The following ERVMER34-1 variants were observed in gnomAD, a reference collection of about 807,000 sequenced individuals.
ERVMER34-1 encodes the protein endogenous retrovirus group MER34 member 1, envelope.
For missense variants in ERVMER34-1, 471 were observed against 295.1 expected (o/e 1.60, Z -4.37); for synonymous variants, 199 against 111.7 (o/e 1.78, Z -4.93).
intron 2 of ERVMER34-1, chr4:52,748,217 G>A (rs1716199806): frequency 4.1e-6 from 1 of 242,394 alleles, no homozygotes. Context: ...AGAATGTAAA[G>A]CTCCTCTTTG....
In ERVMER34-1 at chr4:52,744,293, G is replaced by A. The variant is rs1716088262; in HGVS notation, c.1228C>T (p.Gln410Ter). The change falls in exon 3 of 3, where the codon CAA (glutamine) becomes TAA (stop). Residue 410 changes from glutamine to a stop codon, truncating the protein, a stop_gained. Transcript: ENST00000443173. LOFTEE classifies it low-confidence loss of function (END_TRUNC). ...GAGGCTAAACTGCTAACTTTTGATT[G>A]GTGTGCTTCCAAGGTCTGCTTAGTG... ...SATKQTLEAH[Q>*]SKVSSLASAS... 5.7e-6 allele frequency: 4 copies of A among 704,066 alleles called. No individual in the cohort carries two copies. The highest frequency in any genetic ancestry group is 1.5e-5 in the South Asian group (1 of 67,576). 43.6% of individuals were successfully genotyped at this position (704,066 alleles called of 1,614,324 possible).
intron 2 of ERVMER34-1, among the ~76,000 whole-genome samples, chr4:52,746,558 A>G (rs138523382): frequency 6.6e-6 from 1 of 152,372 alleles, no homozygotes; most frequent in East Asian, 1.9e-4. Flanking sequence ...AAGGAATGCC[A>G]AAACAAGAAA....
Position 52,742,755 on chromosome 4 carries a change from A to G in ERVMER34-1, c.*1074T>C. 1 of 152,086 alleles carries G rather than the reference A, an allele frequency of 6.6e-6. No individual in the cohort carries two copies. The allele number at this position is 152,086 out of a possible 1,614,324, so 9.4% of individuals were successfully genotyped here. A position where few individuals can be genotyped will look rare whatever the true frequency, so the allele number is the denominator to read the frequency against. Reference sequence around the variant, plus strand: ...AACACGGTGAAACCCCGTCTCTACTAAAAACACAAAAAATTAGTCAGGCGT... The same window carrying G: ...AACACGGTGAAACCCCGTCTCTACTGAAAACACAAAAAATTAGTCAGGCGT... On this transcript the variant is annotated 3_prime_UTR_variant, in exon 3 of 3. Coordinates refer to ENST00000443173, the MANE Select transcript of ERVMER34-1 (RefSeq NM_001242690.2).
intron 2 of ERVMER34-1, among the ~76,000 whole-genome samples, chr4:52,749,786 AC>A (rs1472191161): frequency 2.0e-5 from 3 of 152,180 alleles, no homozygotes; most frequent in Non-Finnish European, 4.4e-5. Context: ...AAACAAACAA[AC>A]AAAAACAGAC....
Position 52,743,880 on chromosome 4 carries a change from A to G in ERVMER34-1, c.1641T>C (p.Asn547=). The G allele has an allele frequency of 6.5e-7, 1 of 1,527,512 alleles. No individual in the cohort carries two copies. Among genetic ancestry groups the G allele is most frequent in the Admixed American group, 2.0e-5 (1 of 50,364 alleles). The allele number at this position is 1,527,512 out of a possible 1,614,324, so 94.6% of individuals were successfully genotyped here. ...LVSETSCQVS[N]RAMKGLTTHQ... ...GGGTTGTTAGTCCCTTCATTGCCCT[A>G]TTTGAAACTTGACATGAAGTTTCAC... The change falls in exon 3 of 3, where the codon AAT becomes AAC. Residue 547 remains asparagine (N), a synonymous_variant. Coordinates refer to ENST00000443173, the MANE Select transcript of ERVMER34-1 (RefSeq NM_001242690.2).
At chr4:52,749,898 A>G (rs1302244128) in intron 2 of ERVMER34-1, among the ~76,000 whole-genome samples, 1 of 152,158 alleles carries the variant, frequency 6.6e-6, no homozygotes, top group Admixed American at 6.5e-5. Context: ...GAAAACGTAC[A>G]CTACTTACAC....
chr4:52,744,611 C>T lies in ERVMER34-1; in HGVS notation c.910G>A (p.Gly304Arg). The T allele has an allele frequency of 1.4e-6, 1 of 704,056 alleles. No homozygotes were observed. Among genetic ancestry groups the T allele is most frequent in the Non-Finnish European group, 2.6e-6 (1 of 384,990 alleles). 43.6% of individuals were successfully genotyped at this position (704,056 alleles called of 1,614,324 possible). ...NSGLFFLCGN[G>R]VYKGFPPKWS... ...TTAGGTGGAAACCCTTTGTACACCC[C>T]ATTGCCGCACAAAAAAAAGAGGCCA... The change falls in exon 3 of 3, where the codon GGG (glycine) becomes AGG (arginine). Residue 304 changes from glycine (G) to arginine (R), a missense_variant. Physicochemically the swap from Gly to Arg is moderately radical, Grantham distance 125. Coordinates refer to ENST00000443173, the MANE Select transcript of ERVMER34-1 (RefSeq NM_001242690.2).
chr4:52,745,142 C>A lies in ERVMER34-1; in HGVS notation c.379G>T (p.Val127Leu). The A allele has an allele frequency of 1.4e-6, 1 of 704,064 alleles. No homozygotes were observed. Among genetic ancestry groups the A allele is most frequent in the Non-Finnish European group, 2.6e-6 (1 of 384,978 alleles). 43.6% of individuals were successfully genotyped at this position (704,064 alleles called of 1,614,324 possible). ...RLLEGNFSLCVENKNGSGPFL... is the reference protein window; with the variant it reads ...RLLEGNFSLCLENKNGSGPFL... ...GGTCCACTGCCATTTTTATTTTCTA[C>A]GCAAAGAGAAAAATTTCCCTCCAAT... The change falls in exon 3 of 3, where the codon GTA becomes TTA. Residue 127 changes from valine to leucine, a missense_variant. Coordinates refer to ENST00000443173, the MANE Select transcript of ERVMER34-1 (RefSeq NM_001242690.2).
Position 52,744,794 on chromosome 4 carries a change from G to C in ERVMER34-1, c.727C>G (p.Leu243Val), listed in dbSNP as rs760158276. The C allele has an allele frequency of 9.9e-6, 7 of 704,028 alleles. No individual in the cohort carries two copies. Among genetic ancestry groups the C allele is most frequent in the Non-Finnish European group, 1.6e-5 (6 of 385,014 alleles). The allele number at this position is 704,028 out of a possible 1,614,324, so 43.6% of individuals were successfully genotyped here. The change falls in exon 3 of 3, where the codon CTA (leucine) becomes GTA (valine). Residue 243 changes from leucine (L) to valine (V), a missense_variant. Coordinates refer to ENST00000443173, the MANE Select transcript of ERVMER34-1 (RefSeq NM_001242690.2). ...TAAGAGCAAAATAGGTTGCGAAATA[G>C]CTGGTACAGAAGGCCTTTGGTTTGG... ...QNQTKGLLYQLFRNLFCSYGL... is the reference protein window; with the variant it reads ...QNQTKGLLYQVFRNLFCSYGL...
intron 2 of ERVMER34-1, among the ~76,000 whole-genome samples, 181 bp from the exon 3 acceptor site, chr4:52,746,124 C>G (rs529692652): frequency 6.6e-6 from 1 of 152,296 alleles, no homozygotes. Flanking sequence ...CACAGAGTAG[C>G]CAAAAACTAT....
intron 2 of ERVMER34-1, among the ~76,000 whole-genome samples, chr4:52,750,131 T>G (rs1469505281): frequency 6.6e-6 from 1 of 152,118 alleles, no homozygotes; most frequent in East Asian, 1.9e-4. Flanking sequence ...CCCGGCTAGC[T>G]GGAATTACAG....
chr4:52,748,910 C>G (rs1716215635), intron 2 of ERVMER34-1, among the ~76,000 whole-genome samples: 1 of 151,966 alleles, frequency 6.6e-6, no homozygotes, highest in Admixed American at 6.6e-5. Context: ...AGCTGGAATG[C>G]AGTGGTGCAA....
chr4:52,747,930 G>A (rs965486868), intron 2 of ERVMER34-1, among the ~76,000 whole-genome samples: 2 of 152,136 alleles, frequency 1.3e-5, no homozygotes, highest in Admixed American at 6.5e-5. Flanking sequence ...CCAGCTACTC[G>A]GGAGGCTGAG....
Position 52,744,303 on chromosome 4 carries a change from C to A in ERVMER34-1, c.1218G>T (p.Leu406Phe). The A allele has an allele frequency of 1.4e-6, 1 of 704,078 alleles. No individual in the cohort carries two copies. Among genetic ancestry groups the A allele is most frequent in the Non-Finnish European group, 2.6e-6 (1 of 384,998 alleles). The allele number at this position is 704,078 out of a possible 1,614,324, so 43.6% of individuals were successfully genotyped here. The part of the protein sequence containing the change: ...EQEFSATKQT[L>F]EAHQSKVSSL... The stretch of plus-strand genomic sequence containing the variant: ...TGCTAACTTTTGATTGGTGTGCTTC[C>A]AAGGTCTGCTTAGTGGCACTGAATT... The change falls in exon 3 of 3, where the codon TTG (leucine) becomes TTT (phenylalanine). Residue 406 changes from leucine (L) to phenylalanine (F), a missense_variant. By Grantham distance (22) the Leu-to-Phe change is conservative (BLOSUM62 0). Coordinates refer to ENST00000443173, the MANE Select transcript of ERVMER34-1 (RefSeq NM_001242690.2).
chr4:52,751,150 C>G (rs1315072791), intron 1 of ERVMER34-1, 81 bp from the exon 2 acceptor site: 1 of 152,236 alleles, frequency 6.6e-6, no homozygotes, highest in Non-Finnish European at 1.5e-5. Flanking sequence ...GACGCAGCGC[C>G]TGTGCCTCGC....
chr4:52,748,805 G>T (rs1054601420), intron 2 of ERVMER34-1, among the ~76,000 whole-genome samples: 7 of 152,114 alleles, frequency 4.6e-5, no homozygotes, highest in Admixed American at 3.3e-4. Flanking sequence ...ATAGCTGTAG[G>T]TATTCTAGGA....
chr4:52,747,186 G>A (rs1053653749), intron 2 of ERVMER34-1, among the ~76,000 whole-genome samples: 16 of 151,788 alleles, frequency 1.1e-4, no homozygotes, highest in Admixed American at 3.9e-4. Flanking sequence ...CCAAGATCAC[G>A]CCACTGCACT....
rs1205936256 is a variant in ERVMER34-1 at position 52,744,965 on chromosome 4, A to C, written c.556T>G (p.Trp186Gly). The change falls in exon 3 of 3, where the codon TGG becomes GGG. Residue 186 changes from tryptophan (W) to glycine (G), a missense_variant. Physicochemically the swap from Trp to Gly is radical, Grantham distance 184. Coordinates refer to ENST00000443173, the MANE Select transcript of ERVMER34-1 (RefSeq NM_001242690.2). The part of the protein sequence containing the change: ...SVCLGTRQCS[W>G]FAGCTNRTWN... Reference sequence around the variant, plus strand: ...GTCCGGTTTGTGCAACCTGCAAACCAGGAACATTGTCTAGTGCCTAGGCAA... The same window carrying C: ...GTCCGGTTTGTGCAACCTGCAAACCCGGAACATTGTCTAGTGCCTAGGCAA... 1 of 704,072 alleles carries C rather than the reference A, an allele frequency of 1.4e-6. No individual in the cohort carries two copies. The highest frequency in any genetic ancestry group is 2.7e-5 in the East Asian group (1 of 37,300). The allele number at this position is 704,072 out of a possible 1,614,324, so 43.6% of individuals were successfully genotyped here. A position where few individuals can be genotyped will look rare whatever the true frequency, so the allele number is the denominator to read the frequency against.
intron 2 of ERVMER34-1, among the ~76,000 whole-genome samples, chr4:52,748,660 C>A (rs1716208814): frequency 6.6e-6 from 1 of 152,160 alleles, no homozygotes; most frequent in Non-Finnish European, 1.5e-5. Context: ...TGCCTAACCT[C>A]TACATGCTCT....
Sources: allele counts gnomAD v4.1 joint callset (sites outside exome capture counted in the v4.1 genomes callset), GRCh38; gene constraint gnomAD v4.1.1; transcripts MANE v1.5; gene names NCBI Gene and HGNC (gene_info 2026-07-23, HGNC 2026-07-21).